The following TMEM273 variants were observed in gnomAD, a reference collection of about 807,000 sequenced individuals.
TMEM273 encodes chromosome 10 open reading frame 128.
TMEM273 carries 19 observed loss-of-function variants against 17.9 expected under a neutral mutation model. That is an observed-to-expected ratio of 1.06 (90% CI 0.74 to 1.55). The LOEUF (loss-of-function observed/expected upper bound fraction) is 1.55. Among genes scored for constraint, TMEM273 ranks in the 40% most tolerant of loss-of-function variants. The pLI, the probability that TMEM273 is intolerant of heterozygous loss-of-function variation, is 0.00. For missense variants in TMEM273, 194 were observed against 155.6 expected (o/e 1.25, Z -1.31); for synonymous variants, 66 against 62.0 (o/e 1.07, Z -0.31).
intron 6 of TMEM273, among the ~76,000 whole-genome samples, chr10:49,159,756 A>C (rs1469919454): frequency 6.6e-6 from 1 of 151,868 alleles, no homozygotes; most frequent in Non-Finnish European, 1.5e-5. Flanking sequence ...AGAGAGAAAC[A>C]GGGACCCTTG....
At chr10:49,163,308 A>T (rs11101004) in intron 5 of TMEM273, among the ~76,000 whole-genome samples, 10,827 of 148,976 alleles carry the variant, frequency 0.073, 366 homozygotes, top group Middle Eastern at 0.1. Context: ...TGTGTGTGTG[A>T]GAGAGAGAGA....
chr10:49,155,512 G>T lies in TMEM273; in HGVS notation c.*380C>A. On this transcript the variant is annotated 3_prime_UTR_variant, in exon 7 of 7. Transcript: ENST00000374153. Reference sequence around the variant, plus strand: ...TTGATAAGATGGCAGTGTGTAGGAAGCTGTGTGTTGGGTCGGATTCCCCTT... The same window carrying T: ...TTGATAAGATGGCAGTGTGTAGGAATCTGTGTGTTGGGTCGGATTCCCCTT... The T allele has an allele frequency of 3.4e-6, 1 of 292,260 alleles. No homozygotes were observed. Among genetic ancestry groups the T allele is most frequent in the Non-Finnish European group, 6.4e-6 (1 of 155,086 alleles). 18.1% of individuals were successfully genotyped at this position (292,260 alleles called of 1,614,324 possible). A position where few individuals can be genotyped will look rare whatever the true frequency, so the allele number is the denominator to read the frequency against.
intron 2 of TMEM273, among the ~76,000 whole-genome samples, chr10:49,167,220 C>A (rs1846251334): frequency 6.6e-6 from 1 of 152,224 alleles, no homozygotes; most frequent in Admixed American, 6.5e-5. Flanking sequence ...CTGTTGCCAC[C>A]TTTCAAGGCT....
At chr10:49,161,523 C>G in intron 6 of TMEM273, 76 bp downstream of exon 6, 1 of 1,601,378 alleles carries the variant, frequency 6.2e-7, no homozygotes, top group South Asian at 1.1e-5. Context: ...GAGGTCATGC[C>G]GAAAACCCAT....
chr10:49,166,237 G>T (rs1846176401), intron 3 of TMEM273, among the ~76,000 whole-genome samples: 1 of 152,168 alleles, frequency 6.6e-6, no homozygotes, highest in Non-Finnish European at 1.5e-5. Flanking sequence ...TACCCTGAGA[G>T]AAGGGATGCA....
At chr10:49,157,787 G>T (rs189926341) in intron 6 of TMEM273, among the ~76,000 whole-genome samples, 10 of 152,328 alleles carry the variant, frequency 6.6e-5, no homozygotes, top group African/African-American at 1.9e-4. Flanking sequence ...GACGCATGTT[G>T]TATGCACACT....
At chr10:49,172,283 T>TC (rs1380728775) in intron 1 of TMEM273, among the ~76,000 whole-genome samples, 12 of 152,072 alleles carry the variant, frequency 7.9e-5, no homozygotes, top group African/African-American at 2.9e-4. Flanking sequence ...GAGACCCAAG[T>TC]GCCCCATGAA....
At chr10:49,174,738 C>A (rs187764288) in intron 1 of TMEM273, among the ~76,000 whole-genome samples, 11 of 152,202 alleles carry the variant, frequency 7.2e-5, no homozygotes, top group Admixed American at 2.0e-4. Flanking sequence ...ACTCTGGGAG[C>A]TTTTAGACAA....
chr10:49,185,045 C>T (rs922190980), intron 1 of TMEM273, among the ~76,000 whole-genome samples: 2 of 152,124 alleles, frequency 1.3e-5, no homozygotes, highest in Non-Finnish European at 2.9e-5. Flanking sequence ...ACAGCCAACC[C>T]TGGGGTGCCT....
At chr10:49,181,238 A>C (rs1193839797) in intron 1 of TMEM273, among the ~76,000 whole-genome samples, 2 of 152,250 alleles carry the variant, frequency 1.3e-5, no homozygotes. Context: ...ATGGAGACAC[A>C]TACCAAGTTC....
chr10:49,184,601 CCTCT>C (rs1184175783), intron 1 of TMEM273, among the ~76,000 whole-genome samples: 1 of 152,184 alleles, frequency 6.6e-6, no homozygotes, highest in African/African-American at 2.4e-5. Context: ...AAATTTTATA[CCTCT>C]CTAATTGTCA....
At position 49,167,936 on chromosome 10, in the gene TMEM273, T is replaced by C. The variant is rs1846304081; in HGVS notation, c.70A>G (p.Thr24Ala). ...ATTTCAGCCCCAGGGGTCTTGCCTG[T>C]TGCCAGCACTTGAGCTCCTCCTACA... ...LDVGGAQVLA[T>A]GKTPGAEIDF... Residue 24 changes from threonine to alanine, a missense_variant, in exon 2 of 7, where the codon ACA becomes GCA. By Grantham distance (58) the Thr-to-Ala change is moderately conservative (BLOSUM62 0). Transcript: ENST00000374153. 1.9e-6 allele frequency: 3 copies of C among 1,613,896 alleles called. No individual in the cohort carries two copies. The highest frequency in any genetic ancestry group is 1.7e-5 in the Admixed American group (1 of 59,988).
intron 3 of TMEM273, 42 bp downstream of exon 3, chr10:49,166,827 G>C (rs375708847): frequency 1.9e-6 from 3 of 1,610,094 alleles, no homozygotes; most frequent in Middle Eastern, 1.6e-4. Context: ...TCGGTGCCTC[G>C]CTGGGTGGGG....
intron 6 of TMEM273, among the ~76,000 whole-genome samples, chr10:49,157,563 TAGCCCC>T (rs1845587882): frequency 6.6e-6 from 1 of 152,242 alleles, no homozygotes; most frequent in Admixed American, 6.5e-5. Flanking sequence ...ACATTCTGGT[TAGCCCC>T]AGGGTTCATC....
At chr10:49,180,759 A>G (rs1013547808) in intron 1 of TMEM273, among the ~76,000 whole-genome samples, 2 of 152,230 alleles carry the variant, frequency 1.3e-5, no homozygotes, top group African/African-American at 4.8e-5. Flanking sequence ...ACAATTGTGA[A>G]AACTTCCTCA....
At chr10:49,175,760 A>T (rs1218961673) in intron 1 of TMEM273, among the ~76,000 whole-genome samples, 2 of 152,162 alleles carry the variant, frequency 1.3e-5, no homozygotes, top group Admixed American at 1.3e-4. Flanking sequence ...GAGTGGTGAC[A>T]CATGTGAGCA....
At chr10:49,182,072 T>C (rs1400696595) in intron 1 of TMEM273, among the ~76,000 whole-genome samples, 1 of 152,222 alleles carries the variant, frequency 6.6e-6, no homozygotes, top group Non-Finnish European at 1.5e-5. Flanking sequence ...AAGTATCTCT[T>C]GCCTACCTGA....
chr10:49,175,968 G>A (rs1400259777), intron 1 of TMEM273, among the ~76,000 whole-genome samples: 2 of 152,206 alleles, frequency 1.3e-5, no homozygotes, highest in Non-Finnish European at 2.9e-5. Flanking sequence ...TCTCTGTGGG[G>A]ATCTGAAACC....
In TMEM273 at chr10:49,175,659, G is replaced by A. The variant is rs1357739925; in HGVS notation, c.44-7697C>T. Among the ~76,000 whole-genome samples, 7 of 152,350 alleles carry A rather than the reference G, an allele frequency of 4.6e-5. No individual in the cohort carries two copies. In the South Asian group the frequency reaches 6.2e-4, roughly 14 times the overall value. On this transcript the variant is annotated intron_variant, in intron 1 of 6. Coordinates refer to ENST00000374153, the MANE Select transcript of TMEM273 (RefSeq NM_001288740.3). ...TTCAGGCTAATGGAGGGGTGGAGGCGGAGAGCTGGCCTGGGCCTGAACCAG... is the reference window on the plus strand; with the variant it reads ...TTCAGGCTAATGGAGGGGTGGAGGCAGAGAGCTGGCCTGGGCCTGAACCAG...
Sources: gnomAD v4.1 joint callset for allele counts (sites outside exome capture counted in the v4.1 genomes callset) on GRCh38, gnomAD v4.1.1 for gene constraint, MANE v1.5 for transcripts, NCBI Gene and HGNC (gene_info 2026-07-23, HGNC 2026-07-21) for gene names.